AKR1C4: variants seen among roughly 807,000 people sequenced by gnomAD.
The protein encoded by AKR1C4 is aldo-keto reductase family 1 member C4.
A neutral mutation model predicts 41.0 loss-of-function variants in AKR1C4; 44 were observed. The observed-to-expected ratio is 1.07, with a 90% CI of 0.84 to 1.38. The LOEUF (loss-of-function observed/expected upper bound fraction) is 1.38, where lower values mean the gene tolerates loss of function less well. Among genes scored for constraint, AKR1C4 ranks in the 40% most tolerant of loss-of-function variants. The pLI is 0.00. For missense variants in AKR1C4, 438 were observed against 387.9 expected (o/e 1.13, Z -1.09); for synonymous variants, 165 against 137.7 (o/e 1.20, Z -1.39).
intron 5 of AKR1C4, among the ~76,000 whole-genome samples, chr10:5,206,976 TGA>T (rs1832499298): frequency 6.6e-6 from 1 of 152,118 alleles, no homozygotes; most frequent in South Asian, 2.1e-4. Context: ...GAGAGTTGCT[TGA>T]GAGATAAGCT....
Position 5,200,221 on chromosome 10 carries a change from T to C in AKR1C4, c.125T>C (p.Ile42Thr), listed in dbSNP as rs1832376915. 1 of 1,614,024 alleles carries C rather than the reference T, an allele frequency of 6.2e-7. No homozygotes were observed. Among genetic ancestry groups the C allele is most frequent in the African/African-American group, 1.3e-5 (1 of 74,942 alleles). Residue 42 changes from isoleucine (I) to threonine (T), a missense_variant, in exon 2 of 9, where the codon ATA (isoleucine) becomes ACA (threonine). By Grantham distance (89) the Ile-to-Thr change is moderately conservative. Coordinates refer to ENST00000263126, the MANE Select transcript of AKR1C4 (RefSeq NM_001818.5). ...GCTGTAGAGGTCACCAAATTAGCAA[T>C]AGAAGCTGGCTTCCGCCATATTGAT... The part of the protein sequence containing the change: ...NRAVEVTKLA[I>T]EAGFRHIDSA...
chr10:5,206,243 C>G, intron 4 of AKR1C4, 32 bp from the exon 5 acceptor site: 1 of 1,613,690 alleles, frequency 6.2e-7, no homozygotes, highest in Non-Finnish European at 8.5e-7. Flanking sequence ...GCCAACTGCA[C>G]AAATAATTCC....
chr10:5,197,083 G>T (rs1156359411), intron 1 of AKR1C4, 132 bp downstream of exon 1: 5 of 819,932 alleles, frequency 6.1e-6, no homozygotes, highest in Non-Finnish European at 1.0e-5. Flanking sequence ...CTGGGCTAGA[G>T]CTATTCTATG....
intron 5 of AKR1C4, among the ~76,000 whole-genome samples, chr10:5,211,426 A>C (rs1296530860): frequency 1.3e-5 from 2 of 152,148 alleles, no homozygotes; most frequent in African/African-American, 2.4e-5. Flanking sequence ...CAGATATCCT[A>C]AATCATCTCA....
At chr10:5,211,252 C>A (rs1253421583) in intron 5 of AKR1C4, among the ~76,000 whole-genome samples, 1 of 152,264 alleles carries the variant, frequency 6.6e-6, no homozygotes, top group Non-Finnish European at 1.5e-5. Flanking sequence ...ATGCAAATTT[C>A]TGCAGCTGGC....
intron 7 of AKR1C4, 35 bp downstream of exon 7, chr10:5,213,194 A>G (rs782685185): frequency 6.2e-7 from 1 of 1,609,146 alleles, no homozygotes; most frequent in Non-Finnish European, 8.5e-7. Context: ...GCTCCTGCAC[A>G]GTGTCCTTCA....
intron 3 of AKR1C4, 36 bp from the exon 4 acceptor site, chr10:5,205,714 GAAAAGTT>G: frequency 2.5e-6 from 4 of 1,573,078 alleles, no homozygotes; most frequent in Non-Finnish European, 3.5e-6. Flanking sequence ...CCTATGGGTG[GAAAAGTT>G]AAATGGTGAC....
At chr10:5,197,399 T>A (rs916023333) in intron 1 of AKR1C4, among the ~76,000 whole-genome samples, 7 of 152,224 alleles carry the variant, frequency 4.6e-5, no homozygotes, top group African/African-American at 7.2e-5. Context: ...ATGAAAACTG[T>A]TGGGAGAGTA....
chr10:5,199,904 A>G (rs1832370735), intron 1 of AKR1C4, among the ~76,000 whole-genome samples: 1 of 152,204 alleles, frequency 6.6e-6, no homozygotes, highest in Admixed American at 6.5e-5. Flanking sequence ...AAGCCTGTAG[A>G]TGGCAAAACT....
chr10:5,216,818 T>G, intron 8 of AKR1C4, 25 bp downstream of exon 8: 2 of 1,543,506 alleles, frequency 1.3e-6, no homozygotes, highest in Non-Finnish European at 8.9e-7. Flanking sequence ...AAAATGGGTT[T>G]CCCAGTTTAT....
Position 5,218,704 on chromosome 10 carries a change from C to G in AKR1C4, c.930-14C>G. 1 of 1,577,772 alleles carries G rather than the reference C, an allele frequency of 6.3e-7. No individual in the cohort carries two copies. ...ATTTCATCCATATTTATGTACTATC[C>G]TTTCTCTTTTCAGTCTTATGGACCA... On this transcript the variant is annotated splice_polypyrimidine_tract_variant and intron_variant, in intron 8 of 8. Transcript: ENST00000263126.
intron 8 of AKR1C4, among the ~76,000 whole-genome samples, chr10:5,217,572 C>T (rs1222414143): frequency 6.6e-6 from 1 of 152,086 alleles, no homozygotes; most frequent in East Asian, 1.9e-4. Context: ...CCAGCCTGGC[C>T]AAAATGGCAA....
rs1832697504 is a variant in AKR1C4 at position 5,218,943 on chromosome 10, G to T, written c.*183G>T. 5.8e-6 allele frequency: 3 copies of T among 512,858 alleles called. No individual in the cohort carries two copies. The highest frequency in any genetic ancestry group is 7.3e-5 in the South Asian group (2 of 27,308). The allele number at this position is 512,858 out of a possible 1,614,324, so 31.8% of individuals were successfully genotyped here. A position where few individuals can be genotyped will look rare whatever the true frequency, so the allele number is the denominator to read the frequency against. The stretch of plus-strand genomic sequence containing the variant: ...AGCAAACATAATAAATTTTTATCTT[G>T]AAGTAATTGAATGTTTTTCCTTAAA... On this transcript the variant is annotated 3_prime_UTR_variant, in exon 9 of 9. Transcript: ENST00000263126.
chr10:5,202,940 TGTGTGTGTGTG>T (rs1157857505), intron 2 of AKR1C4, among the ~76,000 whole-genome samples: 654 of 37,840 alleles, frequency 0.017, 8 homozygotes, highest in Admixed American at 0.032. Flanking sequence ...AGTTTTCTTT[TGTGTGTGTGTG>T]TGTGTGTGTG....
chr10:5,200,643 G>C (rs940208478), intron 2 of AKR1C4, among the ~76,000 whole-genome samples: 16 of 152,134 alleles, frequency 1.1e-4, no homozygotes, highest in African/African-American at 3.1e-4. Context: ...TGGGGTACAA[G>C]TGGATTTTGG....
intron 7 of AKR1C4, among the ~76,000 whole-genome samples, chr10:5,214,273 A>T (rs1194040515): frequency 6.6e-6 from 1 of 152,148 alleles, no homozygotes; most frequent in Non-Finnish European, 1.5e-5. Flanking sequence ...CTTCACTGAC[A>T]TTTCCCCTCT....
rs781801363 is a variant in AKR1C4 at position 5,212,730 on chromosome 10, T to C, written c.680+5T>C. On this transcript the variant is annotated splice_donor_5th_base_variant and intron_variant, in intron 6 of 8. Transcript: ENST00000263126. ...AACCCAACGACATAAACTATGGTAATAAGAGCATCAGGAAGTTTACCTAAA... is the reference window on the plus strand; with the variant it reads ...AACCCAACGACATAAACTATGGTAACAAGAGCATCAGGAAGTTTACCTAAA... 1 of 1,606,662 alleles carries C rather than the reference T, an allele frequency of 6.2e-7. No individual in the cohort carries two copies. The highest frequency in any genetic ancestry group is 1.1e-5 in the South Asian group (1 of 89,790).
Position 5,205,766 on chromosome 10 carries a change from A to T in AKR1C4, c.379A>T (p.Thr127Ser). 1 of 1,613,318 alleles carries T rather than the reference A, an allele frequency of 6.2e-7. No individual in the cohort carries two copies. Residue 127 changes from threonine (T) to serine (S), a missense_variant, in exon 4 of 9, where the codon ACG becomes TCG. Thr to Ser is a moderately conservative substitution (Grantham distance 58, BLOSUM62 1). Coordinates refer to ENST00000263126, the MANE Select transcript of AKR1C4 (RefSeq NM_001818.5). ...ACTGCTTCTACTTCAGCCAGGTGAG[A>T]CGCCACTACCAAAAGATGAAAATGG... is the stretch of plus-strand genomic sequence containing the variant. ...HFPMALKPGE[T>S]PLPKDENGKV... is the part of the protein sequence containing the mutation.
intron 2 of AKR1C4, among the ~76,000 whole-genome samples, chr10:5,203,969 C>A (rs1368736862): frequency 6.6e-6 from 1 of 152,180 alleles, no homozygotes; most frequent in Admixed American, 6.5e-5. Context: ...CAACAGATAA[C>A]AGAAGTATCT....
Sources: allele counts gnomAD v4.1 joint callset (sites outside exome capture counted in the v4.1 genomes callset), GRCh38; gene constraint gnomAD v4.1.1; transcripts MANE v1.5; gene names NCBI Gene and HGNC (gene_info 2026-07-23, HGNC 2026-07-21).